Variants in HDAC9 observed in about 807,000 individuals in gnomAD.
HDAC9 encodes MEF-2 interacting transcription repressor (MITR) protein.
In HDAC9, 41 loss-of-function variants were observed where a neutral mutation model predicts 139.4. The observed-to-expected ratio is 0.29, with a 90% CI of 0.23 to 0.38. The LOEUF is 0.38. Among genes scored for constraint, HDAC9 ranks in the 10% least tolerant of loss-of-function variants. HDAC9 has a pLI of 1.00. For missense variants in HDAC9, 1,147 were observed against 1,297.0 expected, an observed-to-expected ratio of 0.88 and a Z score of 1.78; for synonymous variants, 517 against 476.2, an observed-to-expected ratio of 1.09 and a Z score of -1.12.
At position 18,648,006 on chromosome 7, in the gene HDAC9, A is replaced by G; in HGVS notation, c.1249+8A>G. 2 of 1,590,170 alleles carry G rather than the reference A, an allele frequency of 1.3e-6. No individual in the cohort carries two copies. The highest frequency in any genetic ancestry group is 1.7e-6 in the Non-Finnish European group (2 of 1,163,942). ...AAAAGCTTCTTGTAGCTGGTAATTC[A>G]TTATGGCACCATTTGCAGGTCATTT... On this transcript the variant is annotated splice_region_variant and intron_variant, in intron 10 of 25. Transcript: ENST00000686413.
At chr7:18,722,267 A>G (rs1480407607) in intron 12 of HDAC9, among the ~76,000 whole-genome samples, 1 of 152,242 alleles carries the variant, frequency 6.6e-6, no homozygotes. Context: ...TAGACTCAAT[A>G]GAGAATATGT....
chr7:18,318,881 C>T (rs527401154), intron 1 of HDAC9, among the ~76,000 whole-genome samples: 2 of 152,236 alleles, frequency 1.3e-5, no homozygotes, highest in Non-Finnish European at 2.9e-5. Flanking sequence ...GTGCTTAGTA[C>T]ATTACAGACT....
chr7:18,921,774 T>C (rs1273717888), intron 22 of HDAC9, among the ~76,000 whole-genome samples: 17 of 151,942 alleles, frequency 1.1e-4, no homozygotes, highest in Non-Finnish European at 2.2e-4. Context: ...AAGACACATG[T>C]ACACGTATGT....
chr7:18,392,315 TCACACACACACACA>T (rs57932620), intron 1 of HDAC9, among the ~76,000 whole-genome samples: 3 of 119,298 alleles, frequency 2.5e-5, no homozygotes, highest in East Asian at 5.1e-4. Flanking sequence ...TCTCTCTCTC[TCACACACACACACA>T]CACACACACA....
chr7:18,946,036 C>CAAAATAAAAAAAAAAAAAAAAAAAAAA (rs1563077235), intron 23 of HDAC9, among the ~76,000 whole-genome samples: 7 of 38,260 alleles, frequency 1.8e-4, no homozygotes, highest in South Asian at 1.9e-3. Flanking sequence ...GACTCCGTCT[C>CAAAATAAAAAAAAAAAAAAAAAAAAAA]AAAAAAAAAA....
intron 2 of HDAC9, among the ~76,000 whole-genome samples, chr7:18,501,994 A>T (rs1444223343): frequency 6.6e-6 from 1 of 152,186 alleles, no homozygotes; most frequent in Non-Finnish European, 1.5e-5. Flanking sequence ...TGGCAGCAGC[A>T]TTCAGGTCCT....
chr7:18,093,629 C>T (rs116843296), intron 1 of HDAC9, among the ~76,000 whole-genome samples: 2,586 of 152,236 alleles, frequency 0.017, 27 homozygotes, highest in Middle Eastern at 0.044. Flanking sequence ...CACTGTGTCT[C>T]CTTTCTTTCC....
Position 18,829,503 on chromosome 7 carries a change from C to T in HDAC9, c.2421C>T (p.Tyr807=), listed in dbSNP as rs1003229184. The part of the protein sequence containing the change: ...FFNSVAITAK[Y]LRDQLNISKI... ...ATTCAGTTGCAATTACCGCCAAATA[C>T]TTGAGAGACCAACTAAATATAAGCA... Residue 807 remains tyrosine, a synonymous_variant, in exon 19 of 26, where the codon TAC becomes TAT. Transcript: ENST00000686413. The T allele has an allele frequency of 3.7e-6, 6 of 1,612,344 alleles. No homozygotes were observed. In the African/African-American group the frequency reaches 8.0e-5, roughly 22 times the overall value.
chr7:18,249,251 C>G (rs1794756857), intron 2 of HDAC9, among the ~76,000 whole-genome samples: 1 of 151,612 alleles, frequency 6.6e-6, no homozygotes, highest in African/African-American at 2.4e-5. Flanking sequence ...GCCTGTAATC[C>G]CAACACTTTG....
intron 1 of HDAC9, among the ~76,000 whole-genome samples, chr7:18,405,322 A>G (rs956495316): frequency 3.3e-5 from 5 of 152,120 alleles, no homozygotes; most frequent in Non-Finnish European, 7.4e-5. Flanking sequence ...TATAACTCCA[A>G]TTTCTAAGTA....
intron 2 of HDAC9, among the ~76,000 whole-genome samples, chr7:18,233,318 C>A (rs975655567): frequency 2.0e-5 from 3 of 151,952 alleles, no homozygotes; most frequent in African/African-American, 4.8e-5. Context: ...TTTTTGAGGA[C>A]TTAAATAGAA....
In HDAC9 at chr7:18,544,502, G is replaced by A. The variant is rs572090538; in HGVS notation, c.23-40779G>A. Among the ~76,000 whole-genome samples, 3 of 152,214 alleles carry A rather than the reference G, an allele frequency of 2.0e-5. No homozygotes were observed. The South Asian group carries it at 6.2e-4, about 32-fold the overall frequency. On this transcript the variant is annotated intron_variant, in intron 2 of 25. Coordinates refer to ENST00000686413, the MANE Select transcript of HDAC9 (RefSeq NM_178425.4). ...GGGTCAGAACAGAGATATGTATTTG[G>A]GCATCATCCTCATATAGATAGTACT...
chr7:18,113,700 A>G (rs1783778450), intron 1 of HDAC9, among the ~76,000 whole-genome samples: 2 of 152,270 alleles, frequency 1.3e-5, no homozygotes, highest in African/African-American at 4.8e-5. Context: ...AAAGAAATGC[A>G]TAACATTTTG....
At chr7:18,618,644 C>T (rs924632808) in intron 6 of HDAC9, among the ~76,000 whole-genome samples, 2 of 149,914 alleles carry the variant, frequency 1.3e-5, no homozygotes, top group African/African-American at 2.5e-5. Context: ...GACATTAAAA[C>T]ATTATATATC....
intron 21 of HDAC9, among the ~76,000 whole-genome samples, chr7:18,860,280 A>AG (rs1798011958): frequency 1.3e-5 from 2 of 152,078 alleles, no homozygotes; most frequent in Non-Finnish European, 2.9e-5. Context: ...TGCCCAACTG[A>AG]GAAAAAAAAA....
chr7:18,983,703 C>T (rs1005006473), intron 25 of HDAC9, among the ~76,000 whole-genome samples: 2 of 152,092 alleles, frequency 1.3e-5, no homozygotes, highest in Non-Finnish European at 2.9e-5. Context: ...TTTTCATTCC[C>T]ACTAGCAATG....
intron 14 of HDAC9, among the ~76,000 whole-genome samples, chr7:18,752,530 G>T (rs1481836767): frequency 6.6e-6 from 1 of 152,084 alleles, no homozygotes; most frequent in Non-Finnish European, 1.5e-5. Flanking sequence ...TTGCCTAGTT[G>T]TGTCTAAAAC....
At chr7:18,130,904 A>G (rs1224104843) in intron 1 of HDAC9, among the ~76,000 whole-genome samples, 3 of 152,002 alleles carry the variant, frequency 2.0e-5, no homozygotes, top group African/African-American at 7.2e-5. Flanking sequence ...GTTTCCCTAC[A>G]CCATTAGCAA....
chr7:18,423,155 G>A (rs1262530556), intron 1 of HDAC9, among the ~76,000 whole-genome samples: 1 of 152,104 alleles, frequency 6.6e-6, no homozygotes, highest in Non-Finnish European at 1.5e-5. Context: ...TTCAGAACAG[G>A]TATCTTTTGT....
Sources: allele counts gnomAD v4.1 joint callset (sites outside exome capture counted in the v4.1 genomes callset), GRCh38; gene constraint gnomAD v4.1.1; transcripts MANE v1.5; gene names NCBI Gene and HGNC (gene_info 2026-07-23, HGNC 2026-07-21).